The following TAB3 variants were observed in gnomAD, a reference collection of about 807,000 sequenced individuals.
TAB3 encodes the protein TGF-beta-activated kinase 1 and MAP3K7-binding protein 3.
A neutral mutation model predicts 48.1 loss-of-function variants in TAB3; 18 were observed. The observed-to-expected ratio is 0.37, with a 90% CI of 0.26 to 0.55. The LOEUF is 0.55. Among genes scored for constraint, TAB3 ranks in the 20% least tolerant of loss-of-function variants. The probability of loss-of-function intolerance (pLI) is 0.78; values close to 1 mark genes in which losing one functional copy is unlikely to be tolerated. For missense variants in TAB3, 414 were observed against 549.8 expected, an observed-to-expected ratio of 0.75 and a Z score of 2.47; for synonymous variants, 185 against 190.2, an observed-to-expected ratio of 0.97 and a Z score of 0.22.
chrX:30,851,187 T>C, intron 7 of TAB3, among the ~76,000 whole-genome samples: 1 of 112,373 alleles, frequency 8.9e-6, no homozygotes, highest in Non-Finnish European at 1.9e-5. Context: ...TAATATTGAC[T>C]ATACACGATA....
intron 4 of TAB3, among the ~76,000 whole-genome samples, chrX:30,866,354 C>T (rs923443019): frequency 4.5e-5 from 5 of 110,752 alleles, no homozygotes; most frequent in African/African-American, 1.6e-4. Flanking sequence ...ACCCCAGTAG[C>T]AATGAGCACA....
chrX:30,846,377 T>C (rs1201767578), intron 8 of TAB3, 174 bp downstream of exon 8: 1 of 386,652 alleles, frequency 2.6e-6, no homozygotes, highest in African/African-American at 2.6e-5. Context: ...GTAAAACTAT[T>C]TTTTCATCCC....
intron 10 of TAB3, among the ~76,000 whole-genome samples, chrX:30,832,595 G>T (rs1308080261): frequency 8.9e-6 from 1 of 112,302 alleles, no homozygotes; most frequent in Non-Finnish European, 1.9e-5. Context: ...TTAACAAGCT[G>T]ACTTCTAGTT....
At chrX:30,886,976 C>T (rs900682485) in intron 1 of TAB3, among the ~76,000 whole-genome samples, 4 of 111,749 alleles carry the variant, frequency 3.6e-5, no homozygotes, top group Non-Finnish European at 7.5e-5. Flanking sequence ...ATGGTGGATC[C>T]CAGAAGAGCT....
At chrX:30,858,476 C>T (rs1172325740) in intron 5 of TAB3, among the ~76,000 whole-genome samples, 3 of 111,757 alleles carry the variant, frequency 2.7e-5, no homozygotes, top group African/African-American at 9.8e-5. Context: ...AAAGGGCTTG[C>T]AAACAAAGGA....
chrX:30,859,418 C>A, intron 5 of TAB3, 69 bp downstream of exon 5: 2 of 750,928 alleles, frequency 2.7e-6, no homozygotes, highest in South Asian at 2.4e-5. Flanking sequence ...GTTCTAATTA[C>A]ATCACACATC....
At position 30,854,520 on chromosome X, in the gene TAB3, C is replaced by T; in HGVS notation, c.1145G>A (p.Arg382Lys). The change falls in exon 6 of 11, where the codon AGG (arginine) becomes AAG (lysine). Residue 382 changes from arginine (R) to lysine (K), a missense_variant. By Grantham distance (26) the Arg-to-Lys change is conservative. Transcript: ENST00000288422. ...PSQRPGTAIN[R>K]SPSPISNQPS... ...TTGATTACTGATGGGTGAAGGACTC[C>T]TATTAATTGCTGTCCCAGGTCTTTG... is the stretch of plus-strand genomic sequence containing the variant. 1.7e-6 allele frequency: 2 copies of T among 1,210,627 alleles called. No homozygotes were observed. The highest frequency in any genetic ancestry group is 2.2e-6 in the Non-Finnish European group (2 of 894,686).
At position 30,855,335 on chromosome X, in the gene TAB3, C is replaced by T; in HGVS notation, c.330G>A (p.Gln110=). The T allele has an allele frequency of 6.6e-6, 8 of 1,211,668 alleles. No homozygotes were observed. Among genetic ancestry groups the T allele is most frequent in the Non-Finnish European group, 8.9e-6 (8 of 895,457 alleles). The stretch of plus-strand genomic sequence containing the variant: ...ATATCAGCTGTTTACCTGCTGCATG[C>T]TGAGGATCAATATGTCCATCACTTG... ...HSSSDGHIDP[Q]HAAGKQLICL... Residue 110 remains glutamine (Q), a synonymous_variant, in exon 6 of 11, where the codon CAG becomes CAA. Transcript: ENST00000288422.
At position 30,855,302 on chromosome X, in the gene TAB3, A is replaced by T; in HGVS notation, c.363T>A (p.Val121=). The T allele has an allele frequency of 8.3e-7, 1 of 1,211,596 alleles. No individual in the cohort carries two copies. The highest frequency in any genetic ancestry group is 1.1e-6 in the Non-Finnish European group (1 of 895,535). The change falls in exon 6 of 11, where the codon GTT becomes GTA. Residue 121 remains valine (V), a synonymous_variant. Coordinates refer to ENST00000288422, the MANE Select transcript of TAB3 (RefSeq NM_152787.5). ...HAAGKQLICL[V]QEPHSAPAVV... ...CAGCTGGAGCTGAGTGTGGTTCTTG[A>T]ACTAAACATATCAGCTGTTTACCTG...
chrX:30,845,996 C>T, intron 8 of TAB3: 1 of 1,013,304 alleles, frequency 9.9e-7, no homozygotes, highest in Non-Finnish European at 1.3e-6. Context: ...ATATTTTCCA[C>T]AGAAAATGAA....
At chrX:30,853,679 T>C (rs1938943454) in intron 6 of TAB3, among the ~76,000 whole-genome samples, 1 of 111,427 alleles carries the variant, frequency 9.0e-6, no homozygotes, top group Non-Finnish European at 1.9e-5. Flanking sequence ...TTTATTCTTT[T>C]TGTTTGTTTG....
In TAB3 at chrX:30,831,557, G is replaced by A; in HGVS notation, c.2009C>T (p.Thr670Ile). The change falls in exon 11 of 11, where the codon ACA becomes ATA. Residue 670 changes from threonine to isoleucine, a missense_variant. Thr to Ile is a moderately conservative substitution (Grantham distance 89, BLOSUM62 -1). Coordinates refer to ENST00000288422, the MANE Select transcript of TAB3 (RefSeq NM_152787.5). The part of the protein sequence containing the change: ...AAADEHRTGS[T>I]QSPRTQPRDE... ...TCGAGGTTGTGTCCGAGGACTTTGT[G>A]TGGAGCCAGTTCGATGCTCTGAGGG... 8.3e-7 allele frequency: 1 copy of A among 1,211,385 alleles called. No homozygotes were observed. Among genetic ancestry groups the A allele is most frequent in the Non-Finnish European group, 1.1e-6 (1 of 895,403 alleles).
At chrX:30,842,940 G>A (rs762337968) in intron 9 of TAB3, 26 bp downstream of exon 9, 29 of 971,379 alleles carry the variant, frequency 3.0e-5, no homozygotes, top group Middle Eastern at 3.3e-4. Flanking sequence ...TATTTCTATC[G>A]TATTTGTGAC....
intron 9 of TAB3, among the ~76,000 whole-genome samples, chrX:30,834,398 A>G (rs1363854537): frequency 8.9e-6 from 1 of 112,015 alleles, no homozygotes; most frequent in African/African-American, 3.2e-5. Context: ...ACTTAGAACA[A>G]ATGCCCTATT....
At chrX:30,873,455 G>A (rs1470126310) in intron 1 of TAB3, among the ~76,000 whole-genome samples, 1 of 105,687 alleles carries the variant, frequency 9.5e-6, no homozygotes, top group Non-Finnish European at 2.0e-5. Flanking sequence ...AACCCGGGAG[G>A]CGGAGCTTGC....
chrX:30,869,458 G>GTTGA (rs1423683522), intron 2 of TAB3, among the ~76,000 whole-genome samples: 2 of 112,148 alleles, frequency 1.8e-5, no homozygotes, highest in Non-Finnish European at 3.8e-5. Context: ...GTCACTGTGT[G>GTTGA]TTGATTATCA....
chrX:30,885,218 C>G (rs546276124), intron 1 of TAB3, among the ~76,000 whole-genome samples: 11 of 112,184 alleles, frequency 9.8e-5, no homozygotes, highest in African/African-American at 3.6e-4. Context: ...GGAGCACAAG[C>G]TGATTTTTAA....
intron 1 of TAB3, among the ~76,000 whole-genome samples, chrX:30,882,276 C>A (rs1268397617): frequency 9.8e-5 from 11 of 112,245 alleles, no homozygotes; most frequent in Non-Finnish European, 1.5e-4. Flanking sequence ...TTAAATCAAT[C>A]ATAACTATGA....
In TAB3 at chrX:30,859,511, G is replaced by A. The variant is rs763138676; in HGVS notation, c.78C>T (p.Gly26=). The change falls in exon 5 of 11, where the codon GGC becomes GGT. Residue 26 remains glycine, a synonymous_variant. Transcript: ENST00000288422. ...LRQRFPEIPE[G]VVSQCMLQNN... ...CCTGTAACATGCACTGAGACACCAC[G>A]CCCTCTGGAATTTCAGGGAAACGTT... is the stretch of plus-strand genomic sequence containing the variant. 1.5e-5 allele frequency: 18 copies of A among 1,206,420 alleles called. No individual in the cohort carries two copies. The highest frequency in any genetic ancestry group is 1.7e-5 in the Non-Finnish European group (15 of 893,311).
Sources: gnomAD v4.1 joint callset for allele counts (sites outside exome capture counted in the v4.1 genomes callset) on GRCh38, gnomAD v4.1.1 for gene constraint, MANE v1.5 for transcripts, NCBI Gene and HGNC (gene_info 2026-07-23, HGNC 2026-07-21) for gene names.